Variants in WAC observed in about 807,000 individuals in gnomAD.
WAC encodes WW domain containing adaptor with coiled-coil.
WAC carries 11 observed loss-of-function variants against 79.6 expected under a neutral mutation model. That is an observed-to-expected ratio of 0.14 (90% confidence interval 0.09 to 0.23). The LOEUF (loss-of-function observed/expected upper bound fraction) is 0.23, where lower values mean the gene tolerates loss of function less well. Ranked by LOEUF, WAC falls within the 10% of genes least tolerant of loss-of-function variation. The probability of loss-of-function intolerance (pLI) is 1.00; values close to 1 mark genes in which losing one functional copy is unlikely to be tolerated. For missense variants in WAC, 728 were observed against 773.5 expected (o/e 0.94, Z 0.70); for synonymous variants, 304 against 276.9 (o/e 1.10, Z -0.97).
rs771172284 is a variant in WAC at position 28,611,916 on chromosome 10, G to A, written c.1431G>A (p.Gln477=). 1 of 1,612,060 alleles carries A rather than the reference G, an allele frequency of 6.2e-7. No homozygotes were observed. The highest frequency in any genetic ancestry group is 8.5e-7 in the Non-Finnish European group (1 of 1,179,554). ...TCAGTACTCCTCCTGTTTCATCACAGCCAAAGGTATGTCACCTTTGAGGGA... is the reference window on the plus strand; with the variant it reads ...TCAGTACTCCTCCTGTTTCATCACAACCAAAGGTATGTCACCTTTGAGGGA... ...PLISTPPVSS[Q]PKVSTPVVKQ... The change falls in exon 10 of 14, where the codon CAG becomes CAA. Residue 477 remains glutamine, a synonymous_variant. Coordinates refer to ENST00000354911, the MANE Select transcript of WAC (RefSeq NM_016628.5).
At chr10:28,546,009 A>G (rs1218915206) in intron 3 of WAC, among the ~76,000 whole-genome samples, 1 of 152,232 alleles carries the variant, frequency 6.6e-6, no homozygotes, top group Non-Finnish European at 1.5e-5. Flanking sequence ...CTTAGGTGTT[A>G]ACAAAAGATT....
At chr10:28,594,350 C>A (rs1366271284) in intron 6 of WAC, among the ~76,000 whole-genome samples, 1 of 152,172 alleles carries the variant, frequency 6.6e-6, no homozygotes, top group Non-Finnish European at 1.5e-5. Context: ...CTAAAGGTTT[C>A]TGTCTTAGTT....
intron 3 of WAC, among the ~76,000 whole-genome samples, chr10:28,559,944 T>A (rs993799084): frequency 1.1e-4 from 16 of 152,192 alleles, no homozygotes; most frequent in African/African-American, 3.9e-4. Context: ...GGATTTTGGT[T>A]TTTCCTCTGA....
chr10:28,557,329 T>C (rs1343326607), intron 3 of WAC, among the ~76,000 whole-genome samples: 1 of 152,232 alleles, frequency 6.6e-6, no homozygotes, highest in Non-Finnish European at 1.5e-5. Flanking sequence ...ACTGTCAATA[T>C]TATACAGTGT....
At chr10:28,600,371 C>T (rs917505440) in intron 7 of WAC, among the ~76,000 whole-genome samples, 1 of 152,008 alleles carries the variant, frequency 6.6e-6, no homozygotes, top group Non-Finnish European at 1.5e-5. Flanking sequence ...TCAAAAACTT[C>T]AGTATGTGTT....
intron 3 of WAC, among the ~76,000 whole-genome samples, chr10:28,542,972 C>G (rs1457766795): frequency 2.0e-5 from 3 of 152,180 alleles, no homozygotes; most frequent in African/African-American, 7.2e-5. Flanking sequence ...CCTTGTATTC[C>G]TGTTACCTTG....
rs202079810 is a variant in WAC at position 28,534,068 on chromosome 10, G to A, written c.78+34G>A. Reference sequence around the variant, plus strand: ...CGAGGCCGGGGTGGAGGGATTGGAAGGGGCCGGAGGGGGAAGGGAGGGACT... The same window carrying A: ...CGAGGCCGGGGTGGAGGGATTGGAAAGGGCCGGAGGGGGAAGGGAGGGACT... On this transcript the variant is annotated intron_variant, in intron 2 of 13. Coordinates refer to ENST00000354911, the MANE Select transcript of WAC (RefSeq NM_016628.5). The A allele has an allele frequency of 1.1e-4, 165 of 1,551,602 alleles. No homozygotes were observed. In the East Asian group the frequency reaches 3.9e-3, roughly 36 times the overall value.
intron 3 of WAC, among the ~76,000 whole-genome samples, chr10:28,581,391 G>GCACCTCTTT (rs1175283236): frequency 8.2e-4 from 124 of 151,324 alleles, no homozygotes; most frequent in African/African-American, 2.9e-3. Flanking sequence ...GCCTCAGTGA[G>GCACCTCTTT]CACCTCTTTC....
At chr10:28,606,954 A>G (rs751236265) in intron 7 of WAC, among the ~76,000 whole-genome samples, 5 of 152,154 alleles carry the variant, frequency 3.3e-5, no homozygotes, top group Admixed American at 6.6e-5. Flanking sequence ...TCTGACTTTA[A>G]AATTTTTGCA....
At chr10:28,586,494 A>G (rs1305656235) in intron 4 of WAC, among the ~76,000 whole-genome samples, 2 of 152,100 alleles carry the variant, frequency 1.3e-5, no homozygotes, top group East Asian at 3.9e-4. Context: ...TGGGCAACAT[A>G]GTAAGCGCCT....
At chr10:28,587,415 GA>G (rs1051351725) in intron 4 of WAC, among the ~76,000 whole-genome samples, 6 of 152,084 alleles carry the variant, frequency 3.9e-5, no homozygotes, top group African/African-American at 4.8e-5. Flanking sequence ...AAATGAGGAA[GA>G]AAAAAATAAT....
chr10:28,535,887 A>ATT (rs71391048), intron 3 of WAC, 130 bp downstream of exon 3: 978 of 712,736 alleles, frequency 1.4e-3, no homozygotes, highest in South Asian at 1.7e-3. Flanking sequence ...TAATCCTATC[A>ATT]TTTTTTTTTT....
intron 4 of WAC, among the ~76,000 whole-genome samples, chr10:28,584,650 G>T (rs1376822310): frequency 6.6e-6 from 1 of 152,146 alleles, no homozygotes; most frequent in Non-Finnish European, 1.5e-5. Context: ...GTATTTGAGT[G>T]ATCATCATGT....
intron 11 of WAC, 48 bp downstream of exon 11, chr10:28,614,733 G>T (rs775153534): frequency 1.4e-6 from 2 of 1,385,308 alleles, no homozygotes; most frequent in Non-Finnish European, 2.0e-6. Flanking sequence ...TTTAATGATG[G>T]TACACTGCAT....
intron 4 of WAC, among the ~76,000 whole-genome samples, chr10:28,583,946 G>A (rs1246540243): frequency 1.3e-5 from 2 of 152,218 alleles, no homozygotes; most frequent in Non-Finnish European, 2.9e-5. Flanking sequence ...CCACAAGGGT[G>A]TGAAACCCAG....
intron 3 of WAC, among the ~76,000 whole-genome samples, chr10:28,568,876 T>C (rs1290544412): frequency 6.6e-6 from 1 of 152,214 alleles, no homozygotes; most frequent in Non-Finnish European, 1.5e-5. Context: ...CCGGCCTAAG[T>C]TCTTTTTATA....
At chr10:28,605,735 A>G (rs1380751570) in intron 7 of WAC, among the ~76,000 whole-genome samples, 2 of 152,086 alleles carry the variant, frequency 1.3e-5, no homozygotes, top group African/African-American at 2.4e-5. Context: ...CCTTCTGCTA[A>G]TTTTCATGTC....
At chr10:28,580,279 A>G (rs1051071253) in intron 3 of WAC, among the ~76,000 whole-genome samples, 1 of 152,152 alleles carries the variant, frequency 6.6e-6, no homozygotes, top group Non-Finnish European at 1.5e-5. Flanking sequence ...AAGGCATACC[A>G]TTTCTTTAGA....
In WAC at chr10:28,622,246, A is replaced by G. The variant is rs758430472; in HGVS notation, c.*2640A>G. The G allele has an allele frequency of 2.6e-5, 4 of 152,152 alleles. No homozygotes were observed. The allele number at this position is 152,152 out of a possible 1,614,324, so 9.4% of individuals were successfully genotyped here. On this transcript the variant is annotated 3_prime_UTR_variant, in exon 14 of 14. Coordinates refer to ENST00000354911, the MANE Select transcript of WAC (RefSeq NM_016628.5). ...TATTTTAAATATTGCACCTTAATAC[A>G]AGGTATCCAGCTCCTAACCTTAACT...
Sources: gnomAD v4.1 joint callset for allele counts (sites outside exome capture counted in the v4.1 genomes callset) on GRCh38, gnomAD v4.1.1 for gene constraint, MANE v1.5 for transcripts, NCBI Gene and HGNC (gene_info 2026-07-23, HGNC 2026-07-21) for gene names.